The following PRKCQ variants were observed in gnomAD, a reference collection of about 807,000 sequenced individuals.
PRKCQ encodes protein kinase C theta type.
Under a neutral mutation model 91.2 loss-of-function variants are expected in PRKCQ, and 41 were observed. The ratio of observed to expected loss-of-function variants is 0.45; its 90% CI spans 0.35 to 0.58. The LOEUF (loss-of-function observed/expected upper bound fraction) is 0.58. PRKCQ is among the 20% of genes least tolerant of loss of function. The pLI, the probability that PRKCQ is intolerant of heterozygous loss-of-function variation, is 0.00. For missense variants in PRKCQ, 673 were observed against 896.5 expected (o/e 0.75, Z 3.18); for synonymous variants, 307 against 316.9 (o/e 0.97, Z 0.33).
At chr10:6,448,582 A>G (rs933548578) in intron 15 of PRKCQ, among the ~76,000 whole-genome samples, 2 of 151,976 alleles carry the variant, frequency 1.3e-5, no homozygotes, top group African/African-American at 4.8e-5. Flanking sequence ...CTAATTTTTT[A>G]TATTTTAGTA....
At chr10:6,460,480 C>T (rs11258976) in intron 14 of PRKCQ, among the ~76,000 whole-genome samples, 57,348 of 149,938 alleles carry the variant, frequency 0.38, 10,997 homozygotes, top group East Asian at 0.5. Context: ...CCTACTTCCC[C>T]TTTTTTTTTT....
At position 6,477,881 on chromosome 10, in the gene PRKCQ, AAAAC is replaced by A. The variant is rs1433797639; in HGVS notation, c.1353+1107_1353+1110del. On this transcript the variant is annotated intron_variant, in intron 12 of 17. Coordinates refer to ENST00000263125, the MANE Select transcript of PRKCQ (RefSeq NM_006257.5). ...AGACTCCGTCTCAAAACAAACAAAC[AAAAC>A]AAACAAACAAAAAGAAAGAAAACAG... 3.4e-4 allele frequency among the ~76,000 whole-genome samples: 52 copies of A among 152,272 alleles called. No individual in the cohort carries two copies. In the East Asian group the frequency reaches 6.0e-3, roughly 18 times the overall value.
At chr10:6,452,477 C>G (rs80284582) in intron 15 of PRKCQ, among the ~76,000 whole-genome samples, 14,421 of 149,636 alleles carry the variant, frequency 0.096, 747 homozygotes, top group Middle Eastern at 0.18. Flanking sequence ...GAATCAATAT[C>G]GTGAAAATGG....
chr10:6,537,754 G>A (rs866024699), intron 1 of PRKCQ, among the ~76,000 whole-genome samples: 1 of 152,088 alleles, frequency 6.6e-6, no homozygotes, highest in African/African-American at 2.4e-5. Flanking sequence ...ACTTCTCTGG[G>A]GCTCTCAAAG....
intron 1 of PRKCQ, among the ~76,000 whole-genome samples, chr10:6,533,902 A>G (rs767955966): frequency 9.2e-5 from 14 of 152,304 alleles, no homozygotes; most frequent in Middle Eastern, 3.4e-3. Context: ...CTGCTAAACC[A>G]CTAAAAGTAC....
intron 12 of PRKCQ, among the ~76,000 whole-genome samples, chr10:6,466,379 G>GTCTAAGA (rs1742514049): frequency 6.6e-6 from 1 of 152,202 alleles, no homozygotes; most frequent in Non-Finnish European, 1.5e-5. Context: ...GGCCATTAAA[G>GTCTAAGA]TCTAAGAGAT....
At chr10:6,454,022 GTAAC>G (rs1834868531) in intron 15 of PRKCQ, among the ~76,000 whole-genome samples, 2 of 151,900 alleles carry the variant, frequency 1.3e-5, no homozygotes, top group Admixed American at 1.3e-4. Flanking sequence ...GTATAGATAT[GTAAC>G]TAACCTGCAC....
chr10:6,530,149 G>C (rs553287135), intron 1 of PRKCQ, among the ~76,000 whole-genome samples: 1 of 152,260 alleles, frequency 6.6e-6, no homozygotes, highest in South Asian at 2.1e-4. Context: ...TAGGTATGGG[G>C]CAAACCTCTC....
At chr10:6,549,913 T>G (rs1840116868) in intron 1 of PRKCQ, among the ~76,000 whole-genome samples, 1 of 152,082 alleles carries the variant, frequency 6.6e-6, no homozygotes, top group Non-Finnish European at 1.5e-5. Context: ...ATTACAGGCG[T>G]GAGCCACCGC....
At chr10:6,484,926 G>A (rs751457640) in intron 10 of PRKCQ, among the ~76,000 whole-genome samples, 18 of 152,146 alleles carry the variant, frequency 1.2e-4, no homozygotes, top group African/African-American at 4.3e-4. Context: ...AACATTTGTG[G>A]TTGTTCCCTC....
At chr10:6,538,396 C>T (rs956368856) in intron 1 of PRKCQ, among the ~76,000 whole-genome samples, 7 of 152,256 alleles carry the variant, frequency 4.6e-5, no homozygotes, top group South Asian at 2.1e-4. Flanking sequence ...ACAGGAATGA[C>T]CTCTTAGCAG....
At chr10:6,526,920 G>A (rs1444540774) in intron 1 of PRKCQ, among the ~76,000 whole-genome samples, 1 of 152,174 alleles carries the variant, frequency 6.6e-6, no homozygotes, top group Non-Finnish European at 1.5e-5. Flanking sequence ...CCAGTTGATG[G>A]TCGGAGGGCA....
At chr10:6,474,763 G>T (rs1192618644) in intron 12 of PRKCQ, among the ~76,000 whole-genome samples, 1 of 152,108 alleles carries the variant, frequency 6.6e-6, no homozygotes. Flanking sequence ...AAAGATTTAT[G>T]ACAACTCTTC....
At chr10:6,485,874 T>C (rs1437407908) in intron 9 of PRKCQ, among the ~76,000 whole-genome samples, 161 bp downstream of exon 9, 1 of 152,188 alleles carries the variant, frequency 6.6e-6, no homozygotes, top group Non-Finnish European at 1.5e-5. Flanking sequence ...ATCTCAAAGA[T>C]AGGGGGTGTG....
At position 6,496,963 on chromosome 10, in the gene PRKCQ, G is replaced by A. The variant is rs1044433482; in HGVS notation, c.660+72C>T. On this transcript the variant is annotated intron_variant, in intron 7 of 17. Coordinates refer to ENST00000263125, the MANE Select transcript of PRKCQ (RefSeq NM_006257.5). ...ATGCAAGTTCTGGCATTATTCTGAAGAATTCGTGGGCTGTAACATTTAACG... is the reference window on the plus strand; with the variant it reads ...ATGCAAGTTCTGGCATTATTCTGAAAAATTCGTGGGCTGTAACATTTAACG... 12 of 1,370,906 alleles carry A rather than the reference G, an allele frequency of 8.8e-6. No individual in the cohort carries two copies. In the African/African-American group the frequency reaches 1.3e-4, roughly 15 times the overall value. The allele number at this position is 1,370,906 out of a possible 1,614,324, so 84.9% of individuals were successfully genotyped here.
At chr10:6,555,216 C>A (rs1450978279) in intron 1 of PRKCQ, among the ~76,000 whole-genome samples, 1 of 151,600 alleles carries the variant, frequency 6.6e-6, no homozygotes, top group African/African-American at 2.4e-5. Flanking sequence ...GCACCCTAAA[C>A]CTCAGTATCA....
chr10:6,488,737 T>C (rs1449857752), intron 8 of PRKCQ, among the ~76,000 whole-genome samples: 2 of 152,128 alleles, frequency 1.3e-5, no homozygotes, highest in East Asian at 1.9e-4. Context: ...GCCAGAAAAA[T>C]TCACCTGAAG....
chr10:6,508,628 C>T (rs500766), intron 3 of PRKCQ, among the ~76,000 whole-genome samples: 45,318 of 152,200 alleles, frequency 0.3, 7,136 homozygotes, highest in African/African-American at 0.38. Context: ...GGCATGTATG[C>T]ACCATTGTTC....
intron 12 of PRKCQ, among the ~76,000 whole-genome samples, chr10:6,469,525 C>T (rs1835852164): frequency 6.6e-6 from 1 of 152,190 alleles, no homozygotes; most frequent in African/African-American, 2.4e-5. Context: ...GGCGGAACCC[C>T]TCTTGCTTGG....
Sources: gnomAD v4.1 joint callset for allele counts (sites outside exome capture counted in the v4.1 genomes callset) on GRCh38, gnomAD v4.1.1 for gene constraint, MANE v1.5 for transcripts, NCBI Gene and HGNC (gene_info 2026-07-23, HGNC 2026-07-21) for gene names.